Variants in PRKAR2A observed in about 807,000 individuals in gnomAD.
The protein encoded by PRKAR2A is cAMP-dependent protein kinase type II-alpha regulatory subunit.
PRKAR2A carries 29 observed loss-of-function variants against 51.9 expected under a neutral mutation model. The observed-to-expected ratio is 0.56, with a 90% CI of 0.42 to 0.76. PRKAR2A has a LOEUF of 0.76. PRKAR2A is among the 30% of genes least tolerant of loss of function. PRKAR2A has a pLI of 0.00. For missense variants in PRKAR2A, 445 were observed against 512.1 expected (o/e 0.87, Z 1.26); for synonymous variants, 178 against 186.2 (o/e 0.96, Z 0.36).
chr3:48,761,438 T>A (rs2081862078), intron 8 of PRKAR2A, among the ~76,000 whole-genome samples: 3 of 152,146 alleles, frequency 2.0e-5, no homozygotes, highest in Admixed American at 2.0e-4. Context: ...TAAACTTAGA[T>A]GTGCTATAGA....
chr3:48,757,674 G>C (rs2081793412), intron 8 of PRKAR2A, among the ~76,000 whole-genome samples: 1 of 152,180 alleles, frequency 6.6e-6, no homozygotes, highest in Non-Finnish European at 1.5e-5. Context: ...TGTAATCCCA[G>C]CACTTTGGGA....
chr3:48,790,397 C>G (rs948659370), intron 4 of PRKAR2A, 147 bp downstream of exon 4: 13 of 469,410 alleles, frequency 2.8e-5, no homozygotes, highest in African/African-American at 2.0e-4. Flanking sequence ...GTGGTCAATA[C>G]AATGAAAACA....
At chr3:48,772,902 C>T in intron 6 of PRKAR2A, 53 bp downstream of exon 6, 2 of 1,539,056 alleles carry the variant, frequency 1.3e-6, no homozygotes, top group South Asian at 2.4e-5. Context: ...GACAGAGACA[C>T]AGAAAGGGAA....
chr3:48,815,451 C>T (rs2082858711), intron 1 of PRKAR2A, among the ~76,000 whole-genome samples: 2 of 151,584 alleles, frequency 1.3e-5, no homozygotes, highest in South Asian at 4.1e-4. Flanking sequence ...AATCCCAGCA[C>T]TTTGGGAGGC....
intron 1 of PRKAR2A, among the ~76,000 whole-genome samples, chr3:48,817,022 A>T (rs1437846310): frequency 6.6e-6 from 1 of 151,922 alleles, no homozygotes; most frequent in African/African-American, 2.4e-5. Flanking sequence ...TCTCTTTAAA[A>T]AATAATAATA....
intron 1 of PRKAR2A, among the ~76,000 whole-genome samples, chr3:48,835,183 C>T (rs1225492293): frequency 6.6e-6 from 1 of 152,010 alleles, no homozygotes; most frequent in Non-Finnish European, 1.5e-5. Context: ...GTTGGCCAGA[C>T]TGGTCTCGAA....
In PRKAR2A at chr3:48,835,801, C is replaced by A. The variant is rs577541470; in HGVS notation, c.262+11534G>T. On this transcript the variant is annotated intron_variant, in intron 1 of 10. Coordinates refer to ENST00000265563, the MANE Select transcript of PRKAR2A (RefSeq NM_004157.4). ...GACTCAGTCTCAAAAAAAAAAAATTCTAGGGACCCAAAATAGCCAAAACAA... is the reference window on the plus strand; with the variant it reads ...GACTCAGTCTCAAAAAAAAAAAATTATAGGGACCCAAAATAGCCAAAACAA... Among the ~76,000 whole-genome samples the A allele has an allele frequency of 5.0e-4, 75 of 151,480 alleles. 3 individuals carry two copies. Among genetic ancestry groups the A allele is most frequent in the Non-Finnish European group, 1.3e-4 (9 of 67,852 alleles).
chr3:48,831,936 G>A (rs942361467), intron 1 of PRKAR2A, among the ~76,000 whole-genome samples: 3 of 151,990 alleles, frequency 2.0e-5, no homozygotes, highest in Non-Finnish European at 4.4e-5. Flanking sequence ...ATCTTCATCC[G>A]AATTTCTACA....
At chr3:48,768,363 A>G (rs2081974013) in intron 6 of PRKAR2A, among the ~76,000 whole-genome samples, 1 of 152,028 alleles carries the variant, frequency 6.6e-6, no homozygotes, top group South Asian at 2.1e-4. Flanking sequence ...AGAGAGACAG[A>G]CAGACAGACA....
intron 1 of PRKAR2A, among the ~76,000 whole-genome samples, chr3:48,839,429 C>A (rs1437474936): frequency 6.6e-6 from 1 of 150,638 alleles, no homozygotes; most frequent in Non-Finnish European, 1.5e-5. Flanking sequence ...TGCTGAGAGA[C>A]CGGCAAGTAT....
At chr3:48,798,014 G>A (rs572821417) in intron 2 of PRKAR2A, among the ~76,000 whole-genome samples, 29 of 152,052 alleles carry the variant, frequency 1.9e-4, no homozygotes, top group Non-Finnish European at 1.5e-4. Context: ...GTGCAATGGC[G>A]TCATCTTGGC....
At chr3:48,794,587 C>T (rs926625677) in intron 2 of PRKAR2A, among the ~76,000 whole-genome samples, 7 of 151,356 alleles carry the variant, frequency 4.6e-5, no homozygotes, top group Middle Eastern at 3.2e-3. Flanking sequence ...CCCAGCTACT[C>T]GGGAGGCTGA....
chr3:48,761,980 T>C (rs1451304114), intron 8 of PRKAR2A, among the ~76,000 whole-genome samples: 1 of 152,198 alleles, frequency 6.6e-6, no homozygotes, highest in Non-Finnish European at 1.5e-5. Flanking sequence ...ATAGTGCTGG[T>C]CTTAGAAGTA....
At chr3:48,765,544 G>A (rs2081928578) in intron 6 of PRKAR2A, among the ~76,000 whole-genome samples, 195 bp from the exon 7 acceptor site, 1 of 151,986 alleles carries the variant, frequency 6.6e-6, no homozygotes, top group Admixed American at 6.6e-5. Context: ...CCCACATGCT[G>A]TTGCTTGCTA....
At chr3:48,823,088 T>TA (rs1408618388) in intron 1 of PRKAR2A, among the ~76,000 whole-genome samples, 1 of 151,922 alleles carries the variant, frequency 6.6e-6, no homozygotes, top group Non-Finnish European at 1.5e-5. Context: ...TTTTTTAACA[T>TA]AGAGACGAGG....
chr3:48,839,837 C>G (rs1319970433), intron 1 of PRKAR2A, among the ~76,000 whole-genome samples: 1 of 152,042 alleles, frequency 6.6e-6, no homozygotes. Context: ...ATTGGGTATA[C>G]AATTCATTTT....
intron 3 of PRKAR2A, among the ~76,000 whole-genome samples, chr3:48,791,162 C>T (rs2082376729): frequency 2.6e-5 from 4 of 151,650 alleles, no homozygotes; most frequent in Admixed American, 2.6e-4. Flanking sequence ...TGGCGCGTGC[C>T]TGTAATCCCA....
intron 8 of PRKAR2A, among the ~76,000 whole-genome samples, chr3:48,757,497 CAT>C (rs772267896): frequency 2.0e-5 from 3 of 152,322 alleles, no homozygotes; most frequent in East Asian, 1.9e-4. Flanking sequence ...TAAATGGAAT[CAT>C]ATATTTTTTG....
At chr3:48,825,039 T>C (rs1236880208) in intron 1 of PRKAR2A, among the ~76,000 whole-genome samples, 1 of 143,088 alleles carries the variant, frequency 7.0e-6, no homozygotes, top group Non-Finnish European at 1.5e-5. Context: ...TTTTTTTTTT[T>C]TTTTTTTTTT....
Sources: allele counts gnomAD v4.1 joint callset (sites outside exome capture counted in the v4.1 genomes callset), GRCh38; gene constraint gnomAD v4.1.1; transcripts MANE v1.5; gene names NCBI Gene and HGNC (gene_info 2026-07-23, HGNC 2026-07-21).